Variants in NLRP14 observed in about 807,000 individuals in gnomAD.
NLRP14 encodes NLR family pyrin domain containing 14, also known as NACHT, LRR and PYD domains-containing protein 14.
Under a neutral mutation model 94.7 loss-of-function variants are expected in NLRP14, and 105 were observed. That is an observed-to-expected ratio of 1.11 (90% CI 0.95 to 1.30). NLRP14 has a LOEUF of 1.30. NLRP14 is among the 50% of genes most tolerant of loss of function. NLRP14 has a pLI of 0.00. For missense variants in NLRP14, 1,362 were observed against 1,254.1 expected (o/e 1.09, Z -1.30); for synonymous variants, 508 against 459.9 (o/e 1.10, Z -1.34).
At chr11:7,088,992 T>G in the NLRP14 span, 14 of 1,128,216 alleles carry the variant, frequency 1.2e-5, no homozygotes, top group Non-Finnish European at 1.8e-5. Context: ...CCGGCTGCGG[T>G]TCCGTGGACT....
At chr11:7,082,078 C>G in the NLRP14 span, among the ~76,000 whole-genome samples, 1 of 152,074 alleles carries the variant, frequency 6.6e-6, no homozygotes, top group Non-Finnish European at 1.5e-5. Context: ...CAGGAGTCTC[C>G]AAGGATTTTA....
At chr11:7,060,186 C>A in intron 9 of NLRP14, 122 bp downstream of exon 9, 1 of 896,414 alleles carries the variant, frequency 1.1e-6, no homozygotes, top group Non-Finnish European at 1.8e-6. Flanking sequence ...GATTTTCCCT[C>A]TCTCTTCTGC....
rs1295268299 is a variant in NLRP14, at chr11:7,025,427, C to T, written c.-22+4657C>T. Among the ~76,000 whole-genome samples the T allele has an allele frequency of 2.6e-5, 4 of 151,946 alleles. No individual in the cohort carries two copies. The East Asian group carries it at 7.7e-4, about 29-fold the overall frequency. On this transcript the variant is annotated intron_variant, in intron 1 of 11. Transcript: ENST00000299481. The stretch of plus-strand genomic sequence containing the variant: ...TCACAATTCAAGAAAGTACTCCAAA[C>T]AAATAACAAACCAAAAACAGAAATA...
intron 10 of NLRP14, among the ~76,000 whole-genome samples, chr11:7,064,383 A>T (rs1263926178): frequency 6.6e-6 from 1 of 152,112 alleles, no homozygotes; most frequent in Non-Finnish European, 1.5e-5. Flanking sequence ...TGTCAGCTGC[A>T]GTTGCTGCTT....
the NLRP14 span, among the ~76,000 whole-genome samples, chr11:7,080,123 A>G: frequency 6.6e-6 from 1 of 152,178 alleles, no homozygotes; most frequent in East Asian, 1.9e-4. Context: ...TTGAAGAAGA[A>G]TTTCTTACGT....
At chr11:7,032,417 C>CA (rs1852111430) in intron 1 of NLRP14, among the ~76,000 whole-genome samples, 1 of 152,010 alleles carries the variant, frequency 6.6e-6, no homozygotes, top group Non-Finnish European at 1.5e-5. Context: ...CCCTTATGCA[C>CA]AAAACTTTCT....
downstream of NLRP14, among the ~76,000 whole-genome samples, chr11:7,072,512 G>T (rs1195138309): frequency 6.6e-6 from 1 of 152,208 alleles, no homozygotes; most frequent in South Asian, 2.1e-4. Context: ...CTTGATCCTT[G>T]GTTTGAGACT....
chr11:7,037,727 C>G (rs1185328442), intron 1 of NLRP14, among the ~76,000 whole-genome samples: 2 of 152,164 alleles, frequency 1.3e-5, no homozygotes, highest in African/African-American at 4.8e-5. Flanking sequence ...CATGAAACCA[C>G]TCAGTTAACT....
At position 7,049,592 on chromosome 11, in the gene NLRP14, T is replaced by C. The variant is rs1044977132; in HGVS notation, c.2124-79T>C. ...AGAATATTCATGTAATATCCAAGAA[T>C]TAGATTGAAAAGAAAGGGATCCTGT... On this transcript the variant is annotated intron_variant, in intron 5 of 11. Coordinates refer to ENST00000299481, the MANE Select transcript of NLRP14 (RefSeq NM_176822.4). 4.0e-6 allele frequency: 4 copies of C among 988,454 alleles called. No homozygotes were observed. In the African/African-American group the frequency reaches 6.4e-5, roughly 16 times the overall value. The allele number at this position is 988,454 out of a possible 1,614,324, so 61.2% of individuals were successfully genotyped here. A position where few individuals can be genotyped will look rare whatever the true frequency, so the allele number is the denominator to read the frequency against.
At position 7,046,832 on chromosome 11, in the gene NLRP14, T is replaced by C. The variant is rs1489928174; in HGVS notation, c.2123T>C (p.Leu708Pro). The C allele has an allele frequency of 6.2e-7, 1 of 1,610,032 alleles. No individual in the cohort carries two copies. The highest frequency in any genetic ancestry group is 8.5e-7 in the Non-Finnish European group (1 of 1,176,388). Residue 708 changes from leucine to proline, a missense_variant and splice_region_variant, in exon 5 of 12, where the codon CTG becomes CCG. Coordinates refer to ENST00000299481, the MANE Select transcript of NLRP14 (RefSeq NM_176822.4). ...CCAAACTGTAAACTACAAAAGCTAC[T>C]GTAAGTCTGGTATGAGAAAATTTAA... ...RHPNCKLQKL[L>P]LKFITFPDGC...
In NLRP14 at chr11:7,039,699, C is replaced by G. The variant is rs199498470; in HGVS notation, c.290-15C>G. 2 of 1,604,182 alleles carry G rather than the reference C, an allele frequency of 1.2e-6. No homozygotes were observed. The highest frequency in any genetic ancestry group is 4.5e-5 in the East Asian group (2 of 44,836). On this transcript the variant is annotated splice_polypyrimidine_tract_variant and intron_variant, in intron 2 of 11. Transcript: ENST00000299481. ...TTTTCATTAAATATCATGATCCTAT[C>G]GGAACCTGTTGCAGGGTCGGCCCAG...
chr11:7,045,343 C>T (rs1283897146), intron 4 of NLRP14, among the ~76,000 whole-genome samples: 1 of 152,144 alleles, frequency 6.6e-6, no homozygotes, highest in East Asian at 1.9e-4. Context: ...ATTCTGGCCA[C>T]TAGATTGCCA....
At chr11:7,077,982 T>C in the NLRP14 span, among the ~76,000 whole-genome samples, 1 of 152,010 alleles carries the variant, frequency 6.6e-6, no homozygotes, top group Admixed American at 6.5e-5. Context: ...GTTTAATGGG[T>C]ATAGAGTTTC....
intron 4 of NLRP14, among the ~76,000 whole-genome samples, chr11:7,046,163 C>T (rs928030362): frequency 5.9e-5 from 9 of 152,106 alleles, no homozygotes; most frequent in Non-Finnish European, 1.3e-4. Context: ...TGAAAGGAGA[C>T]ATTTCCATTT....
At chr11:7,041,990 T>C (rs2119612060) in intron 3 of NLRP14, among the ~76,000 whole-genome samples, 1 of 152,106 alleles carries the variant, frequency 6.6e-6, no homozygotes, top group East Asian at 1.9e-4. Flanking sequence ...GTCTTGGGGG[T>C]CTTCCCTATT....
At chr11:7,054,917 T>G (rs1044114567) in intron 6 of NLRP14, among the ~76,000 whole-genome samples, 1 of 152,144 alleles carries the variant, frequency 6.6e-6, no homozygotes, top group Admixed American at 6.6e-5. Flanking sequence ...TGTTTTACTT[T>G]AATAGTTTAA....
rs188123534 is a variant in NLRP14 at position 7,039,370 on chromosome 11, T to C, written c.290-344T>C. Among the ~76,000 whole-genome samples the C allele has an allele frequency of 2.6e-3, 387 of 151,672 alleles. 3 individuals carry two copies. The highest frequency in any genetic ancestry group is 9.2e-3 in the African/African-American group (379 of 41,378). On this transcript the variant is annotated intron_variant, in intron 2 of 11. Coordinates refer to ENST00000299481, the MANE Select transcript of NLRP14 (RefSeq NM_176822.4). ...AAGGCTTTAGAGTTATATATATATA[T>C]GTATATATATAATATTCATATCTAT...
At chr11:7,090,302 A>T in the NLRP14 span, 1 of 1,590,384 alleles carries the variant, frequency 6.3e-7, no homozygotes. Flanking sequence ...GATACTAAGC[A>T]GGAACAGACT....
At chr11:7,079,689 GTC>G in the NLRP14 span, among the ~76,000 whole-genome samples, 1 of 152,164 alleles carries the variant, frequency 6.6e-6, no homozygotes, top group Non-Finnish European at 1.5e-5. Context: ...AAGACAAAGG[GTC>G]TCTCAGCAAG....
Sources: gnomAD v4.1 joint callset for allele counts (sites outside exome capture counted in the v4.1 genomes callset) on GRCh38, gnomAD v4.1.1 for gene constraint, MANE v1.5 for transcripts, NCBI Gene and HGNC (gene_info 2026-07-23, HGNC 2026-07-21) for gene names.